The following CFAP46 variants were observed in gnomAD, a reference collection of about 807,000 sequenced individuals.
CFAP46 encodes the protein cilia and flagella associated protein 46.
A neutral mutation model predicts 325.7 loss-of-function variants in CFAP46; 245 were observed. That is an observed-to-expected ratio of 0.75 (90% CI 0.68 to 0.84). CFAP46 has a LOEUF of 0.84. CFAP46 is among the 40% of genes least tolerant of loss of function. CFAP46 has a pLI of 0.00. For missense variants in CFAP46, 3,346 were observed against 3,543.0 expected, an observed-to-expected ratio of 0.94 and a Z score of 1.41; for synonymous variants, 1,523 against 1,495.9, an observed-to-expected ratio of 1.02 and a Z score of -0.42.
At chr10:132,895,291 A>G (rs1470146201) in intron 24 of CFAP46, among the ~76,000 whole-genome samples, 1 of 152,226 alleles carries the variant, frequency 6.6e-6, no homozygotes, top group Non-Finnish European at 1.5e-5. Flanking sequence ...TCAGAAAACT[A>G]GAAATAGAAA....
In CFAP46 at chr10:132,808,673, G is replaced by C. The variant is rs377557028; in HGVS notation, c.7896C>G (p.Leu2632=). The change falls in exon 58 of 58, where the codon CTC becomes CTG. Residue 2632 remains leucine (L), a synonymous_variant. Coordinates refer to ENST00000368586, the MANE Select transcript of CFAP46 (RefSeq NM_001200049.3). The surrounding 1 kb of genome is among the most constrained non-coding windows in gnomAD (Gnocchi z 6.8). ...HLPAPIPSSQ[L]ALPFLGLSPA... is the part of the protein sequence containing the mutation. ...GGGAGAGGCCCAGGAAGGGGAGAGCGAGCTGGGAGCTGGGGATGGGAGCCG... is the reference window on the plus strand; with the variant it reads ...GGGAGAGGCCCAGGAAGGGGAGAGCCAGCTGGGAGCTGGGGATGGGAGCCG... 1 of 1,577,904 alleles carries C rather than the reference G, an allele frequency of 6.3e-7. No homozygotes were observed. Among genetic ancestry groups the C allele is most frequent in the East Asian group, 2.3e-5 (1 of 42,692 alleles).
intron 35 of CFAP46, among the ~76,000 whole-genome samples, chr10:132,861,326 A>G (rs1848718138): frequency 6.6e-6 from 1 of 152,136 alleles, no homozygotes; most frequent in Admixed American, 6.5e-5. Flanking sequence ...TTCAGTGAGG[A>G]GCTGACAAGT....
At position 132,941,861 on chromosome 10, in the gene CFAP46, C is replaced by T. The variant is rs1409963920; in HGVS notation, c.174+119G>A. On this transcript the variant is annotated intron_variant, in intron 2 of 57. Coordinates refer to ENST00000368586, the MANE Select transcript of CFAP46 (RefSeq NM_001200049.3). ...CCAGCCCCATCCTCCATCCTGGCCC[C>T]TTGACTGCCCGGCCAGGAGCTGCCT... The T allele has an allele frequency of 2.6e-6, 4 of 1,511,486 alleles. No homozygotes were observed. The East Asian group carries it at 7.4e-5, about 28-fold the overall frequency. The allele number at this position is 1,511,486 out of a possible 1,614,324, so 93.6% of individuals were successfully genotyped here.
At position 132,851,201 on chromosome 10, in the gene CFAP46, G is replaced by A. The variant is rs147978644; in HGVS notation, c.5679C>T (p.His1893=). 1.1e-5 allele frequency: 18 copies of A among 1,614,084 alleles called. No individual in the cohort carries two copies. Among genetic ancestry groups the A allele is most frequent in the African/African-American group, 8.0e-5 (6 of 75,050 alleles). The change falls in exon 40 of 58, where the codon CAC becomes CAT. Residue 1893 remains histidine, a synonymous_variant. Coordinates refer to ENST00000368586, the MANE Select transcript of CFAP46 (RefSeq NM_001200049.3). ...DMLQFIWEEA[H]GQQSEQGSLE... ...GGGACCCCTGCTCACTCTGCTGCCC[G>A]TGGGCCTCCTCCCAGATGAACTGGA... is the stretch of plus-strand genomic sequence containing the variant.
chr10:132,852,839 AT>A (rs1369121725), intron 39 of CFAP46, among the ~76,000 whole-genome samples: 3 of 152,224 alleles, frequency 2.0e-5, no homozygotes, highest in African/African-American at 7.2e-5. Flanking sequence ...TTGTTTCAAA[AT>A]TTTTAATGTC....
intron 13 of CFAP46, among the ~76,000 whole-genome samples, chr10:132,921,003 C>T (rs1849714455): frequency 6.6e-6 from 1 of 152,246 alleles, no homozygotes; most frequent in Non-Finnish European, 1.5e-5. Context: ...ACAGGTGCGG[C>T]AGCATCTGAG....
intron 22 of CFAP46, among the ~76,000 whole-genome samples, chr10:132,904,399 C>T (rs1434147187): frequency 2.5e-5 from 2 of 80,346 alleles, no homozygotes; most frequent in South Asian, 3.3e-4. Context: ...GAGGGGCTCC[C>T]GCTGGGACGC....
At position 132,841,001 on chromosome 10, in the gene CFAP46, C is replaced by T. The variant is rs571292217; in HGVS notation, c.6439-4087G>A. 1.4e-4 allele frequency among the ~76,000 whole-genome samples: 21 copies of T among 152,246 alleles called. No homozygotes were observed. In the South Asian group the frequency reaches 3.7e-3, roughly 27 times the overall value. ...TCCTCTTCCTATAAAGCCACAGTCCCGCTCCCAGGATAACCCCTGAATCTA... is the reference window on the plus strand; with the variant it reads ...TCCTCTTCCTATAAAGCCACAGTCCTGCTCCCAGGATAACCCCTGAATCTA... On this transcript the variant is annotated intron_variant, in intron 44 of 57. Transcript: ENST00000368586.
chr10:132,939,630 A>G lies in CFAP46; in HGVS notation c.372-877T>C, dbSNP rs1310135636. 6.6e-6 allele frequency among the ~76,000 whole-genome samples: 1 copy of G among 151,978 alleles called. No individual in the cohort carries two copies. Among genetic ancestry groups the G allele is most frequent in the Non-Finnish European group, 1.5e-5 (1 of 67,966 alleles). On this transcript the variant is annotated intron_variant, in intron 4 of 57. Transcript: ENST00000368586. The surrounding 1 kb of genome is among the most constrained non-coding windows in gnomAD (Gnocchi z 4.6). ...AGCCACCACGTGACCCTAGGACAGG[A>G]CTCATCCTGTTTCCAGGTTTTCAGG...
intron 17 of CFAP46, among the ~76,000 whole-genome samples, chr10:132,916,149 T>C (rs1849634098): frequency 1.3e-5 from 2 of 152,130 alleles, no homozygotes; most frequent in Admixed American, 1.3e-4. Context: ...AGCACAGCTT[T>C]TCCTCTGAGC....
At position 132,808,855 on chromosome 10, in the gene CFAP46, G is replaced by C; in HGVS notation, c.7714C>G (p.Arg2572Gly). 1 of 1,601,104 alleles carries C rather than the reference G, an allele frequency of 6.2e-7. No homozygotes were observed. The highest frequency in any genetic ancestry group is 8.5e-7 in the Non-Finnish European group (1 of 1,170,802). The change falls in exon 58 of 58, where the codon CGA becomes GGA. Residue 2572 changes from arginine to glycine, a missense_variant. Physicochemically the swap from Arg to Gly is moderately radical, Grantham distance 125. Transcript: ENST00000368586. The surrounding 1 kb of genome is among the most constrained non-coding windows in gnomAD (Gnocchi z 6.8). ...EGQAAAAPKLRAPSHHAQLGP... is the reference protein window; with the variant it reads ...EGQAAAAPKLGAPSHHAQLGP... ...AGTTGAGCGTGGTGGGAAGGAGCTCGGAGCTTTGGAGCAGCAGCAGCTTGT... is the reference window on the plus strand; with the variant it reads ...AGTTGAGCGTGGTGGGAAGGAGCTCCGAGCTTTGGAGCAGCAGCAGCTTGT...
rs1849582649 is a variant in CFAP46 at position 132,913,259 on chromosome 10, C to A, written c.2121-1G>T. On this transcript the variant is annotated splice_acceptor_variant, in intron 17 of 57. Coordinates refer to ENST00000368586, the MANE Select transcript of CFAP46 (RefSeq NM_001200049.3). LOFTEE classifies it high-confidence loss of function. Reference sequence around the variant, plus strand: ...CCGGGACAGACTCTCGATCCAGGTTCTGCAAAACGAGCACCACCAAGCCCT... The same window carrying A: ...CCGGGACAGACTCTCGATCCAGGTTATGCAAAACGAGCACCACCAAGCCCT... 1.3e-6 allele frequency: 2 copies of A among 1,549,664 alleles called. No individual in the cohort carries two copies. Among genetic ancestry groups the A allele is most frequent in the Admixed American group, 3.9e-5 (2 of 50,966 alleles).
At chr10:132,850,782 T>A (rs1045154692) in intron 40 of CFAP46, among the ~76,000 whole-genome samples, 3 of 152,232 alleles carry the variant, frequency 2.0e-5, no homozygotes, top group Non-Finnish European at 4.4e-5. Flanking sequence ...ACTTTTTTTT[T>A]TACCAAAATG....
intron 44 of CFAP46, among the ~76,000 whole-genome samples, chr10:132,839,122 A>G (rs576251819): frequency 6.6e-6 from 1 of 152,240 alleles, no homozygotes; most frequent in East Asian, 1.9e-4. Context: ...TCGGCAACCT[A>G]GTGTCAATAT....
chr10:132,810,314 A>C, intron 57 of CFAP46, 95 bp downstream of exon 57: 2 of 1,034,840 alleles, frequency 1.9e-6, no homozygotes, highest in Non-Finnish European at 1.5e-6. Context: ...AAGCGGAGAC[A>C]CCTGTCCCTG....
Position 132,857,800 on chromosome 10 carries a change from A to G in CFAP46, c.5376-12T>C, listed in dbSNP as rs1434302771. 6.7e-7 allele frequency: 1 copy of G among 1,499,554 alleles called. No homozygotes were observed. The highest frequency in any genetic ancestry group is 1.3e-5 in the South Asian group (1 of 77,818). 92.9% of individuals were successfully genotyped at this position (1,499,554 alleles called of 1,614,324 possible). ...TCTGGGCACGTAACCTTTATAAGACATAAGAATGGAATTTTAAAACATTAT... is the reference window on the plus strand; with the variant it reads ...TCTGGGCACGTAACCTTTATAAGACGTAAGAATGGAATTTTAAAACATTAT... On this transcript the variant is annotated splice_polypyrimidine_tract_variant and intron_variant, in intron 38 of 57. Transcript: ENST00000368586.
At chr10:132,891,582 T>C (rs1849254735) in intron 25 of CFAP46, among the ~76,000 whole-genome samples, 3 of 152,254 alleles carry the variant, frequency 2.0e-5, no homozygotes, top group Non-Finnish European at 4.4e-5. Context: ...AGCTGTCTCT[T>C]GTGGGGAAAA....
intron 15 of CFAP46, 59 bp from the exon 16 acceptor site, chr10:132,918,579 C>A: frequency 6.8e-7 from 1 of 1,475,692 alleles, no homozygotes; most frequent in Non-Finnish European, 9.1e-7. Flanking sequence ...AATAAAAACA[C>A]AAGAATTCCT....
intron 17 of CFAP46, among the ~76,000 whole-genome samples, chr10:132,915,726 A>G (rs935459560): frequency 7.2e-5 from 11 of 152,252 alleles, no homozygotes; most frequent in African/African-American, 2.7e-4. Flanking sequence ...CATTGCAGGG[A>G]TAAGTTCCCG....
Sources: gnomAD v4.1 joint callset for allele counts (sites outside exome capture counted in the v4.1 genomes callset) on GRCh38, gnomAD v4.1.1 for gene constraint, Gnocchi (gnomAD v3.1) non-coding constraint, MANE v1.5 for transcripts, NCBI Gene and HGNC (gene_info 2026-07-23, HGNC 2026-07-21) for gene names.